RNF8: variants seen among roughly 807,000 people sequenced by gnomAD.
RNF8 encodes E3 ubiquitin-protein ligase RNF8.
Under a neutral mutation model 59.3 loss-of-function variants are expected in RNF8, and 8 were observed. The observed-to-expected ratio is 0.13, with a 90% CI of 0.08 to 0.24. RNF8 has a LOEUF of 0.24. Among genes scored for constraint, RNF8 ranks in the 10% least tolerant of loss-of-function variants. RNF8 has a pLI of 1.00. For synonymous variants in RNF8, 162 were observed against 200.0 expected (o/e 0.81, Z 1.60); for missense variants, 406 against 572.6 (o/e 0.71, Z 2.97).
At chr6:37,363,801 G>T (rs372268565) in intron 2 of RNF8, among the ~76,000 whole-genome samples, 1 of 152,242 alleles carries the variant, frequency 6.6e-6, no homozygotes, top group East Asian at 1.9e-4. Flanking sequence ...ATAAATTGTG[G>T]AATAATCTTA....
intron 6 of RNF8, among the ~76,000 whole-genome samples, chr6:37,379,497 G>A (rs1396090597): frequency 2.0e-5 from 3 of 152,152 alleles, no homozygotes; most frequent in Non-Finnish European, 2.9e-5. Context: ...TGTATCTTAG[G>A]AGATGTACAT....
intron 2 of RNF8, chr6:37,361,123 G>T (rs1769304903): frequency 5.3e-6 from 2 of 378,804 alleles, no homozygotes; most frequent in Admixed American, 6.6e-5. Context: ...TAGTTTAGTG[G>T]TAAATATATT....
intron 1 of RNF8, chr6:37,359,115 C>A: frequency 2.4e-6 from 1 of 408,568 alleles, no homozygotes; most frequent in South Asian, 1.8e-5. Flanking sequence ...AAAAAATTAA[C>A]AAACAAAAAA....
intron 5 of RNF8, among the ~76,000 whole-genome samples, chr6:37,376,440 T>C (rs1770022896): frequency 6.6e-6 from 1 of 152,158 alleles, no homozygotes; most frequent in South Asian, 2.1e-4. Context: ...GGTTGGGAAA[T>C]CCAAGATCAA....
intron 7 of RNF8, among the ~76,000 whole-genome samples, chr6:37,390,027 G>A (rs550923106): frequency 1.3e-5 from 2 of 152,354 alleles, no homozygotes; most frequent in African/African-American, 2.4e-5. Context: ...ACAAGGAAGC[G>A]GACTATTGGA....
In RNF8 at chr6:37,392,356, A is replaced by G. The variant is rs1280416609; in HGVS notation, c.*1598A>G. ...AATTCATTTTTAAGAGAGTACAGAC[A>G]TACACTTTTTGAGTAGGCAATATGT... is the stretch of plus-strand genomic sequence containing the variant. On this transcript the variant is annotated 3_prime_UTR_variant, in exon 8 of 8. Transcript: ENST00000373479. 2 of 398,052 alleles carry G rather than the reference A, an allele frequency of 5.0e-6. No individual in the cohort carries two copies. Among genetic ancestry groups the G allele is most frequent in the African/African-American group, 4.1e-5 (2 of 48,630 alleles). 24.7% of individuals were successfully genotyped at this position (398,052 alleles called of 1,614,324 possible). A position where few individuals can be genotyped will look rare whatever the true frequency, so the allele number is the denominator to read the frequency against.
At chr6:37,386,186 A>G (rs1006465087) in intron 7 of RNF8, among the ~76,000 whole-genome samples, 1 of 146,956 alleles carries the variant, frequency 6.8e-6, no homozygotes, top group African/African-American at 2.4e-5. Context: ...ACACAGTTTG[A>G]AATGACAAGG....
chr6:37,371,791 A>T (rs1769816527), intron 4 of RNF8, among the ~76,000 whole-genome samples: 1 of 152,176 alleles, frequency 6.6e-6, no homozygotes, highest in African/African-American at 2.4e-5. Context: ...TCTTTGTCTG[A>T]GCAGAAGTTG....
chr6:37,361,592 T>C, intron 2 of RNF8: 2 of 329,128 alleles, frequency 6.1e-6, no homozygotes, highest in South Asian at 4.6e-5. Context: ...AGTTAATGTT[T>C]AGGAAGTATA....
Position 37,360,338 on chromosome 6 carries a change from T to A in RNF8, c.112-108T>A. ...CTGTTTTGGTTCCACAGGTGTCTGG[T>A]TTCTTAAGTCAGGACCTGCATATGC... On this transcript the variant is annotated intron_variant, in intron 1 of 7. Coordinates refer to ENST00000373479, the MANE Select transcript of RNF8 (RefSeq NM_003958.4). This position sits in a 1 kb window ranked among gnomAD's most constrained non-coding sequence, Gnocchi z 4.2. 7.4e-7 allele frequency: 1 copy of A among 1,348,674 alleles called. No individual in the cohort carries two copies. The highest frequency in any genetic ancestry group is 1.3e-5 in the South Asian group (1 of 79,066). 83.5% of individuals were successfully genotyped at this position (1,348,674 alleles called of 1,614,324 possible). A position where few individuals can be genotyped will look rare whatever the true frequency, so the allele number is the denominator to read the frequency against.
At position 37,382,914 on chromosome 6, in the gene RNF8, A is replaced by G. The variant is rs1457179350; in HGVS notation, c.1441+1560A>G. Among the ~76,000 whole-genome samples the G allele has an allele frequency of 5.9e-5, 9 of 151,706 alleles. No homozygotes were observed. The South Asian group carries it at 1.7e-3, about 28-fold the overall frequency. On this transcript the variant is annotated intron_variant, in intron 7 of 7. Coordinates refer to ENST00000373479, the MANE Select transcript of RNF8 (RefSeq NM_003958.4). The stretch of plus-strand genomic sequence containing the variant: ...AATCGTTTGAACCTGCAGAGGTTGC[A>G]GTGAGCCAAGATCGCACCACTGCAC...
chr6:37,374,610 G>A lies in RNF8; in HGVS notation c.1039-10G>A, dbSNP rs748089924. ...TTCATCCTGAGTATGTATCTGCTAT[G>A]TTTTTGCAGCATTGGGCTCTAATGG... On this transcript the variant is annotated splice_polypyrimidine_tract_variant and intron_variant, in intron 4 of 7. Coordinates refer to ENST00000373479, the MANE Select transcript of RNF8 (RefSeq NM_003958.4). 1 of 1,610,792 alleles carries A rather than the reference G, an allele frequency of 6.2e-7. No individual in the cohort carries two copies. Among genetic ancestry groups the A allele is most frequent in the South Asian group, 1.1e-5 (1 of 90,976 alleles).
At chr6:37,379,953 G>A (rs1050117791) in intron 6 of RNF8, among the ~76,000 whole-genome samples, 12 of 151,876 alleles carry the variant, frequency 7.9e-5, no homozygotes, top group African/African-American at 2.4e-4. Context: ...TCACTCTGTC[G>A]CCCAGGCTGG....
At chr6:37,383,526 C>T (rs1002161515) in intron 7 of RNF8, among the ~76,000 whole-genome samples, 4 of 152,240 alleles carry the variant, frequency 2.6e-5, no homozygotes, top group Admixed American at 2.0e-4. Context: ...GGAGACCTGC[C>T]TGCCTGTGGC....
intron 1 of RNF8, chr6:37,359,066 A>T: frequency 2.7e-6 from 1 of 373,160 alleles, no homozygotes; most frequent in South Asian, 2.1e-5. Flanking sequence ...ACTGCACTCC[A>T]GCCTGGGTGA....
rs1396715855 is a variant in RNF8, at chr6:37,368,477, T to C, written c.241-7T>C. The stretch of plus-strand genomic sequence containing the variant: ...AGCTTATTTCTTCTTTCTTTCACTT[T>C]CCCCAGAGTCTAAATGGTGTTTGGC... On this transcript the variant is annotated splice_region_variant and splice_polypyrimidine_tract_variant and intron_variant, in intron 2 of 7. Transcript: ENST00000373479. The C allele has an allele frequency of 3.0e-5, 49 of 1,614,054 alleles. No individual in the cohort carries two copies. Among genetic ancestry groups the C allele is most frequent in the Non-Finnish European group, 4.0e-5 (47 of 1,180,026 alleles).
chr6:37,357,501 T>C (rs1769166365), intron 1 of RNF8, among the ~76,000 whole-genome samples: 1 of 152,260 alleles, frequency 6.6e-6, no homozygotes, highest in Non-Finnish European at 1.5e-5. Flanking sequence ...TAATATGAGA[T>C]GCTTCCTCTC....
At chr6:37,390,124 C>T (rs1261470328) in intron 7 of RNF8, among the ~76,000 whole-genome samples, 1 of 152,232 alleles carries the variant, frequency 6.6e-6, no homozygotes, top group Non-Finnish European at 1.5e-5. Flanking sequence ...CCTGCCTATT[C>T]CTGTATATAA....
rs200185110 is a variant in RNF8, at chr6:37,381,256, C to T, written c.1343C>T (p.Thr448Met). The change falls in exon 7 of 8, where the codon ACG (threonine) becomes ATG (methionine). Residue 448 changes from threonine (T) to methionine (M), a missense_variant. Around this residue, in one of 3 missense-constraint regions of RNF8, gnomAD observed 59 missense variants for 118.5 expected, o/e 0.50. Coordinates refer to ENST00000373479, the MANE Select transcript of RNF8 (RefSeq NM_003958.4). ...PICRKDIKSKTYSLVLDNCIN... is the reference protein window; with the variant it reads ...PICRKDIKSKMYSLVLDNCIN... ...TGTCGGAAGGACATTAAGTCCAAAA[C>T]GTACTCTTTGGTTCTGGACAATTGC... The T allele has an allele frequency of 2.5e-5, 40 of 1,614,066 alleles. No individual in the cohort carries two copies. The East Asian group carries it at 8.5e-4, about 34-fold the overall frequency.
Sources: allele counts gnomAD v4.1 joint callset (sites outside exome capture counted in the v4.1 genomes callset), GRCh38; gene constraint gnomAD v4.1.1; regional missense constraint gnomAD v4.1.1; non-coding constraint Gnocchi (gnomAD v3.1); transcripts MANE v1.5; gene names NCBI Gene and HGNC (gene_info 2026-07-23, HGNC 2026-07-21).